FGF13: variants seen among roughly 807,000 people sequenced by gnomAD.
FGF13 encodes the protein fibroblast growth factor 13, also known as fibroblast growth factor homologous factor 2.
A neutral mutation model predicts 19.5 loss-of-function variants in FGF13; 2 were observed. That is an observed-to-expected ratio of 0.10 (90% CI 0.04 to 0.32). The LOEUF is 0.32. Ranked by LOEUF, FGF13 falls within the 10% of genes least tolerant of loss-of-function variation. The pLI is 1.00. For missense variants in FGF13, 113 were observed against 192.7 expected, an observed-to-expected ratio of 0.59 and a Z score of 2.45; for synonymous variants, 72 against 76.9, an observed-to-expected ratio of 0.94 and a Z score of 0.33.
chrX:138,882,589 A>T (rs2091432622), intron 1 of FGF13, among the ~76,000 whole-genome samples: 1 of 111,863 alleles, frequency 8.9e-6, no homozygotes, highest in African/African-American at 3.2e-5. Flanking sequence ...CAAGGGAAGC[A>T]TGGTTTCATT....
At chrX:139,093,308 G>A (rs2083450194) in intron 1 of FGF13, among the ~76,000 whole-genome samples, 1 of 111,880 alleles carries the variant, frequency 8.9e-6, no homozygotes, top group South Asian at 3.8e-4. Context: ...CTTCAAATTT[G>A]TCCCATCCTG....
At chrX:138,939,175 A>G (rs926016296) in intron 1 of FGF13, among the ~76,000 whole-genome samples, 1 of 112,269 alleles carries the variant, frequency 8.9e-6, no homozygotes, top group African/African-American at 3.2e-5. Flanking sequence ...TGGTTGAGAT[A>G]GTGCCAGGAC....
chrX:139,000,922 T>A (rs775304818), intron 1 of FGF13, among the ~76,000 whole-genome samples: 1 of 111,865 alleles, frequency 8.9e-6, no homozygotes, highest in East Asian at 2.8e-4. Flanking sequence ...TCACACTACC[T>A]GACTTCAAAC....
At chrX:139,150,017 G>A (rs1435402099) in intron 1 of FGF13, among the ~76,000 whole-genome samples, 2 of 111,541 alleles carry the variant, frequency 1.8e-5, no homozygotes, top group Non-Finnish European at 3.8e-5. Flanking sequence ...TCCTCACTAG[G>A]AACTTCCATT....
chrX:138,940,718 T>C (rs1198148912), intron 1 of FGF13, among the ~76,000 whole-genome samples: 2 of 111,462 alleles, frequency 1.8e-5, no homozygotes, highest in Non-Finnish European at 3.8e-5. Context: ...TTTTGTTGGC[T>C]TTGTTGAAGA....
chrX:138,760,022 G>A (rs1298157629), intron 3 of FGF13, among the ~76,000 whole-genome samples: 1 of 111,326 alleles, frequency 9.0e-6, no homozygotes, highest in Non-Finnish European at 1.9e-5. Flanking sequence ...TTGTTGGGGT[G>A]TATGAGGATG....
intron 1 of FGF13, among the ~76,000 whole-genome samples, chrX:139,098,272 T>C (rs1346116162): frequency 9.0e-6 from 1 of 111,486 alleles, no homozygotes; most frequent in Middle Eastern, 4.2e-3. Context: ...TCTGTTTTGT[T>C]TTGTTTTTTG....
chrX:138,923,545 G>T (rs1335379599), intron 1 of FGF13, among the ~76,000 whole-genome samples: 1 of 111,958 alleles, frequency 8.9e-6, no homozygotes, highest in Non-Finnish European at 1.9e-5. Flanking sequence ...AAGCCACCCT[G>T]CATTTTCACT....
chrX:139,046,804 T>C (rs2092288988), intron 1 of FGF13, among the ~76,000 whole-genome samples: 1 of 111,510 alleles, frequency 9.0e-6, no homozygotes. Context: ...CTGACTAGCG[T>C]GGCTCCTGTG....
At chrX:138,643,658 G>T (rs2089274061) in intron 3 of FGF13, among the ~76,000 whole-genome samples, 2 of 111,847 alleles carry the variant, frequency 1.8e-5, no homozygotes, top group South Asian at 7.5e-4. Flanking sequence ...GTGAACTGTT[G>T]TATATTTTAA....
chrX:139,195,536 T>G (rs972568641), intron 1 of FGF13, among the ~76,000 whole-genome samples: 1 of 112,513 alleles, frequency 8.9e-6, no homozygotes, highest in Non-Finnish European at 1.9e-5. Flanking sequence ...ACCCTAGCTA[T>G]TTACTAACCC....
intron 1 of FGF13, among the ~76,000 whole-genome samples, chrX:139,105,149 C>T (rs955191111): frequency 5.4e-5 from 6 of 110,798 alleles, no homozygotes; most frequent in African/African-American, 2.0e-4. Context: ...TATAAAGAGT[C>T]GTGGAACTCA....
rs1181771963 is a variant in FGF13, at chrX:139,090,941, C to CAAA, written c.-113+112472_-113+112474dup. On this transcript the variant is annotated intron_variant, in intron 1 of 2. Transcript: ENST00000421460. ...TGGGTGAAAGAGGGAGACCCTGTCT[C>CAAA]AAAAAAAAAAAAAAAAAAAAAAAGA... is the stretch of plus-strand genomic sequence containing the variant. 9.0e-3 allele frequency among the ~76,000 whole-genome samples: 294 copies of CAAA among 32,688 alleles called. 17 individuals are homozygous for CAAA. Among genetic ancestry groups the CAAA allele is most frequent in the African/African-American group, 0.03 (263 of 8,883 alleles). 28.4% of individuals were successfully genotyped at this position (32,688 alleles called of 115,157 possible). A position where few individuals can be genotyped will look rare whatever the true frequency, so the allele number is the denominator to read the frequency against.
intron 1 of FGF13, among the ~76,000 whole-genome samples, chrX:138,943,975 C>G (rs1384831913): frequency 9.0e-6 from 1 of 111,373 alleles, no homozygotes; most frequent in Non-Finnish European, 1.9e-5. Flanking sequence ...TACTATTTTA[C>G]TGGTTGTTTA....
At chrX:138,843,935 C>A (rs2091165662) in intron 3 of FGF13, among the ~76,000 whole-genome samples, 1 of 111,823 alleles carries the variant, frequency 8.9e-6, no homozygotes, top group African/African-American at 3.2e-5. Flanking sequence ...TTAGGATCAA[C>A]ATTCACAAAT....
At chrX:138,710,021 T>A (rs954064954) in intron 1 of FGF13, among the ~76,000 whole-genome samples, 1 of 110,860 alleles carries the variant, frequency 9.0e-6, no homozygotes, top group African/African-American at 3.3e-5. Context: ...GAATGGCAAA[T>A]AAACTGCATG....
At chrX:138,842,480 G>A (rs1016831316) in intron 3 of FGF13, among the ~76,000 whole-genome samples, 1 of 110,952 alleles carries the variant, frequency 9.0e-6, no homozygotes, top group African/African-American at 3.3e-5. Flanking sequence ...AGAGTAAGGC[G>A]GAGTTTGAAT....
At chrX:138,865,453 C>T (rs2091314821) in intron 1 of FGF13, among the ~76,000 whole-genome samples, 1 of 93,319 alleles carries the variant, frequency 1.1e-5, no homozygotes, top group African/African-American at 4.9e-5. Context: ...TCTCTCTCCT[C>T]TCTCTCTCTC....
intron 4 of FGF13, 83 bp downstream of exon 4, chrX:138,635,374 G>T: frequency 9.8e-7 from 1 of 1,015,774 alleles, no homozygotes; most frequent in South Asian, 2.2e-5. Context: ...AAAACCACCT[G>T]TACCCCCAAA....
Sources: gnomAD v4.1 joint callset for allele counts (sites outside exome capture counted in the v4.1 genomes callset) on GRCh38, gnomAD v4.1.1 for gene constraint, MANE v1.5 for transcripts, NCBI Gene and HGNC (gene_info 2026-07-23, HGNC 2026-07-21) for gene names.